MKX: variants seen among roughly 807,000 people sequenced by gnomAD.
MKX encodes the protein mohawk homeobox.
MKX carries 13 observed loss-of-function variants against 36.0 expected under a neutral mutation model. The observed-to-expected ratio is 0.36, with a 90% confidence interval of 0.24 to 0.57. The LOEUF (loss-of-function observed/expected upper bound fraction) is 0.57, where lower values mean the gene tolerates loss of function less well. Among genes scored for constraint, MKX ranks in the 20% least tolerant of loss-of-function variants. The probability of loss-of-function intolerance (pLI) is 0.79; values close to 1 mark genes in which losing one functional copy is unlikely to be tolerated. For synonymous variants in MKX, 176 were observed against 178.3 expected, an observed-to-expected ratio of 0.99 and a Z score of 0.10; for missense variants, 458 against 456.4, an observed-to-expected ratio of 1.00 and a Z score of -0.03.
intron 3 of MKX, among the ~76,000 whole-genome samples, chr10:27,737,727 C>T (rs1051289969): frequency 6.6e-6 from 1 of 152,100 alleles, no homozygotes; most frequent in African/African-American, 2.4e-5. Context: ...TCCCCTAGAT[C>T]ATTCATATTT....
chr10:27,735,229 C>T lies in MKX; in HGVS notation c.494G>A (p.Cys165Tyr). 6.3e-7 allele frequency: 1 copy of T among 1,576,206 alleles called. No homozygotes were observed. Among genetic ancestry groups the T allele is most frequent in the Non-Finnish European group, 8.6e-7 (1 of 1,162,878 alleles). Residue 165 changes from cysteine to tyrosine, a missense_variant, in exon 4 of 7, where the codon TGT (cysteine) becomes TAT (tyrosine). Cys to Tyr is a radical substitution (Grantham distance 194). Around this residue, in one of 3 missense-constraint regions of MKX, gnomAD observed 297 missense variants for 304.4 expected, o/e 0.98. Transcript: ENST00000419761. The part of the protein sequence containing the change: ...ERLSVSSDDS[C>Y]SEDGENPPRT... ...TAAAAATATTAACAAACCTTCAGAA[C>T]ATGAGTCATCACTGCTTACGCTAAG...
At chr10:27,730,459 C>A (rs1449797583) in intron 5 of MKX, among the ~76,000 whole-genome samples, 1 of 134,636 alleles carries the variant, frequency 7.4e-6, no homozygotes. Flanking sequence ...TTTCAACTGG[C>A]TTTTTTTTTT....
At chr10:27,727,126 G>C (rs2132625716) in intron 5 of MKX, among the ~76,000 whole-genome samples, 2 of 152,232 alleles carry the variant, frequency 1.3e-5, no homozygotes, top group East Asian at 3.9e-4. Flanking sequence ...ACATTTTTTA[G>C]GTACCACAAC....
intron 5 of MKX, among the ~76,000 whole-genome samples, chr10:27,717,876 C>A (rs575029061): frequency 1.3e-5 from 2 of 152,336 alleles, no homozygotes; most frequent in African/African-American, 4.8e-5. Context: ...CTGCCTAACA[C>A]AATGATGATA....
chr10:27,702,262 TAA>T (rs1374350410), intron 5 of MKX, among the ~76,000 whole-genome samples: 1 of 152,170 alleles, frequency 6.6e-6, no homozygotes, highest in Admixed American at 6.5e-5. Context: ...TACGAGGTCC[TAA>T]GAGAGAGAGC....
At chr10:27,720,036 G>A (rs866853201) in intron 5 of MKX, among the ~76,000 whole-genome samples, 1 of 151,242 alleles carries the variant, frequency 6.6e-6, no homozygotes, top group African/African-American at 2.4e-5. Flanking sequence ...ATGAATGGGG[G>A]AAAAGTTAAA....
At chr10:27,700,567 G>A (rs1324026096) in intron 5 of MKX, among the ~76,000 whole-genome samples, 2 of 152,046 alleles carry the variant, frequency 1.3e-5, no homozygotes, top group Non-Finnish European at 1.5e-5. Context: ...CCCAAGAATC[G>A]ATTCTGGCCC....
intron 5 of MKX, among the ~76,000 whole-genome samples, chr10:27,707,452 C>T (rs891324386): frequency 6.6e-6 from 1 of 151,994 alleles, no homozygotes; most frequent in African/African-American, 2.4e-5. Flanking sequence ...TAAGGTAACC[C>T]AGGAAAAAAT....
At chr10:27,734,911 C>A (rs1043711251) in intron 4 of MKX, 120 bp from the exon 5 acceptor site, 2 of 591,700 alleles carry the variant, frequency 3.4e-6, no homozygotes, top group Non-Finnish European at 5.1e-6. Context: ...ATAAAATTAT[C>A]TTTGATAGTC....
Position 27,744,711 on chromosome 10 carries a change from T to TACACACACACACACACACACACACAC in MKX, c.-83+970_-83+995dup. The TACACACACACACACACACACACACAC allele has an allele frequency of 7.0e-6, 1 of 142,522 alleles. No homozygotes were observed. The highest frequency in any genetic ancestry group is 2.1e-4 in the East Asian group (1 of 4,716). The allele number at this position is 142,522 out of a possible 1,614,324, so 8.8% of individuals were successfully genotyped here. A position where few individuals can be genotyped will look rare whatever the true frequency, so the allele number is the denominator to read the frequency against. The stretch of plus-strand genomic sequence containing the variant: ...CTCCACTAACACACGCGCGCGCGCA[T>TACACACACACACACACACACACACAC]ACACACACACACACACACACACACA... On this transcript the variant is annotated intron_variant, in intron 1 of 6. Coordinates refer to ENST00000419761, the MANE Select transcript of MKX (RefSeq NM_173576.3). The surrounding 1 kb of genome is among the most constrained non-coding windows in gnomAD (Gnocchi z 5.6).
At position 27,733,257 on chromosome 10, in the gene MKX, A is replaced by G. The variant is rs893083061; in HGVS notation, c.838+1199T>C. Among the ~76,000 whole-genome samples, 7 of 152,288 alleles carry G rather than the reference A, an allele frequency of 4.6e-5. No individual in the cohort carries two copies. In the East Asian group the frequency reaches 1.4e-3, roughly 29 times the overall value. On this transcript the variant is annotated intron_variant, in intron 5 of 6. Transcript: ENST00000419761. The stretch of plus-strand genomic sequence containing the variant: ...TCTTTGTAGATCATTTGTCTCATAT[A>G]TATTTGTAAACGTTTGAAAATCAGA...
At chr10:27,743,080 GA>G in intron 2 of MKX, 147 bp downstream of exon 2, 2 of 654,532 alleles carry the variant, frequency 3.1e-6, no homozygotes, top group Non-Finnish European at 4.6e-6. Context: ...GAGAATGCGC[GA>G]GCCCTGGAGG....
At chr10:27,733,516 T>G (rs1294061278) in intron 5 of MKX, among the ~76,000 whole-genome samples, 1 of 152,226 alleles carries the variant, frequency 6.6e-6, no homozygotes, top group Non-Finnish European at 1.5e-5. Context: ...TTGTGCAGAT[T>G]CAGAGATCTG....
intron 5 of MKX, among the ~76,000 whole-genome samples, chr10:27,723,369 T>G (rs540785862): frequency 6.6e-6 from 1 of 152,204 alleles, no homozygotes. Flanking sequence ...AGAAACTCCT[T>G]GACCCATCTG....
At chr10:27,730,713 C>T (rs1332236916) in intron 5 of MKX, among the ~76,000 whole-genome samples, 1 of 151,884 alleles carries the variant, frequency 6.6e-6, no homozygotes, top group Non-Finnish European at 1.5e-5. Flanking sequence ...CTGCCTCGGC[C>T]TCCCAAAGTG....
chr10:27,727,352 C>G (rs559503944), intron 5 of MKX, among the ~76,000 whole-genome samples: 84 of 152,360 alleles, frequency 5.5e-4, no homozygotes, highest in African/African-American at 1.9e-3. Flanking sequence ...AGCCAGCACA[C>G]AGCTCATGTT....
chr10:27,743,143 GC>G, intron 2 of MKX, 84 bp downstream of exon 2: 4 of 1,291,430 alleles, frequency 3.1e-6, no homozygotes, highest in Non-Finnish European at 4.0e-6. Flanking sequence ...CCACCCGCCC[GC>G]GTTGCCACGG....
intron 5 of MKX, among the ~76,000 whole-genome samples, chr10:27,718,996 C>G (rs1834312646): frequency 6.6e-6 from 1 of 152,254 alleles, no homozygotes; most frequent in African/African-American, 2.4e-5. Flanking sequence ...AGGAAAACAT[C>G]TTTTACCATA....
chr10:27,674,922 G>A lies in MKX; in HGVS notation c.*307C>T, dbSNP rs1417921657. 1.2e-5 allele frequency: 3 copies of A among 245,244 alleles called. No homozygotes were observed. Among genetic ancestry groups the A allele is most frequent in the Non-Finnish European group, 2.4e-5 (3 of 126,542 alleles). The allele number at this position is 245,244 out of a possible 1,614,324, so 15.2% of individuals were successfully genotyped here. ...TAAGCATATGGCGTTGGCATTTTGA[G>A]GCATAGCTTGTTCAACTATGCCCAC... On this transcript the variant is annotated 3_prime_UTR_variant, in exon 7 of 7. Transcript: ENST00000419761.
Sources: gnomAD v4.1 joint callset for allele counts (sites outside exome capture counted in the v4.1 genomes callset) on GRCh38, gnomAD v4.1.1 for gene constraint, gnomAD v4.1.1 regional missense constraint, Gnocchi (gnomAD v3.1) non-coding constraint, MANE v1.5 for transcripts, NCBI Gene and HGNC (gene_info 2026-07-23, HGNC 2026-07-21) for gene names.